NRXN3: variants seen among roughly 807,000 people sequenced by gnomAD.
NRXN3 encodes the protein neurexin 3.
Under a neutral mutation model 137.6 loss-of-function variants are expected in NRXN3, and 32 were observed. The ratio of observed to expected loss-of-function variants is 0.23; its 90% confidence interval spans 0.18 to 0.31. The LOEUF is 0.31. Among genes scored for constraint, NRXN3 ranks in the 10% least tolerant of loss-of-function variants. NRXN3 has a pLI of 1.00. For missense variants in NRXN3, 1,574 were observed against 2,062.5 expected (o/e 0.76, Z 4.59); for synonymous variants, 798 against 784.5 (o/e 1.02, Z -0.29).
intron 1 of NRXN3, among the ~76,000 whole-genome samples, chr14:78,198,355 T>G (rs1360977136): frequency 6.6e-6 from 1 of 152,216 alleles, no homozygotes; most frequent in Non-Finnish European, 1.5e-5. Context: ...CCCAGCCACA[T>G]CCTGGCTTGC....
chr14:79,572,990 C>T (rs1378650592), intron 16 of NRXN3: 2 of 152,128 alleles, frequency 1.3e-5, no homozygotes, highest in African/African-American at 4.8e-5. Context: ...CAAGTTTTGT[C>T]AGCATATTAT....
chr14:78,229,603 C>T (rs916112118), intron 1 of NRXN3, among the ~76,000 whole-genome samples: 1 of 152,124 alleles, frequency 6.6e-6, no homozygotes, highest in Non-Finnish European at 1.5e-5. Context: ...GAATCCCTCC[C>T]TTGAATCCTT....
chr14:79,301,467 C>T (rs1367051970), intron 15 of NRXN3, among the ~76,000 whole-genome samples: 1 of 151,810 alleles, frequency 6.6e-6, no homozygotes, highest in African/African-American at 2.4e-5. Context: ...CTGCGCTGCT[C>T]GTATTATTGC....
At position 79,867,649 on chromosome 14, in the gene NRXN3, G is replaced by A. The variant is rs141256640; in HGVS notation, c.*5685G>A. ...ACATATGAATGTTGGAGGGGATATGGTTCTGTTTCTAGCAAATGTATAGTA... is the reference window on the plus strand; with the variant it reads ...ACATATGAATGTTGGAGGGGATATGATTCTGTTTCTAGCAAATGTATAGTA... On this transcript the variant is annotated 3_prime_UTR_variant, in exon 21 of 21. Coordinates refer to ENST00000335750, the MANE Select transcript of NRXN3 (RefSeq NM_001330195.2). 4.4e-4 allele frequency: 67 copies of A among 152,240 alleles called. No homozygotes were observed. Among genetic ancestry groups the A allele is most frequent in the African/African-American group, 1.5e-3 (64 of 41,522 alleles). 9.4% of individuals were successfully genotyped at this position (152,240 alleles called of 1,614,324 possible).
intron 20 of NRXN3, among the ~76,000 whole-genome samples, chr14:79,860,545 G>A (rs1349412600): frequency 6.6e-6 from 1 of 152,214 alleles, no homozygotes; most frequent in Non-Finnish European, 1.5e-5. Flanking sequence ...AATCTTTTAT[G>A]TTTCTTGATC....
At chr14:79,182,504 G>T (rs529849270) in intron 15 of NRXN3, among the ~76,000 whole-genome samples, 1 of 152,098 alleles carries the variant, frequency 6.6e-6, no homozygotes, top group South Asian at 2.1e-4. Context: ...TCACAATAGG[G>T]TTCACGCTTC....
intron 20 of NRXN3, among the ~76,000 whole-genome samples, chr14:79,859,729 C>T (rs185204144): frequency 2.7e-4 from 41 of 152,264 alleles, no homozygotes; most frequent in Non-Finnish European, 4.3e-4. Flanking sequence ...AAGAGACACA[C>T]GTACGTGGTA....
intron 4 of NRXN3, among the ~76,000 whole-genome samples, chr14:78,398,051 C>T (rs2153650839): frequency 6.6e-6 from 1 of 151,204 alleles, no homozygotes; most frequent in African/African-American, 2.4e-5. Flanking sequence ...CCTGTCTCTA[C>T]TAAAAATACA....
At position 79,230,015 on chromosome 14, in the gene NRXN3, G is replaced by A. The variant is rs368363722; in HGVS notation, c.3263-237206G>A. 2.4e-4 allele frequency among the ~76,000 whole-genome samples: 36 copies of A among 152,182 alleles called. No individual in the cohort carries two copies. The South Asian group carries it at 6.8e-3, about 29-fold the overall frequency. Reference sequence around the variant, plus strand: ...AATGATCCTGTTAGGTGAATAAAAGGCTGATTACATACCCAGAGGTGAGCC... The same window carrying A: ...AATGATCCTGTTAGGTGAATAAAAGACTGATTACATACCCAGAGGTGAGCC... On this transcript the variant is annotated intron_variant, in intron 15 of 20. Coordinates refer to ENST00000335750, the MANE Select transcript of NRXN3 (RefSeq NM_001330195.2).
At chr14:79,348,692 G>C (rs1313616653) in intron 15 of NRXN3, among the ~76,000 whole-genome samples, 1 of 152,066 alleles carries the variant, frequency 6.6e-6, no homozygotes, top group Non-Finnish European at 1.5e-5. Context: ...TTCTTAATTT[G>C]TCACTTAGAG....
intron 15 of NRXN3, among the ~76,000 whole-genome samples, chr14:79,289,510 C>T (rs929898034): frequency 6.6e-6 from 1 of 152,110 alleles, no homozygotes; most frequent in Non-Finnish European, 1.5e-5. Context: ...ATCTCAGCTA[C>T]TCAGGAGGCT....
chr14:79,216,779 G>A (rs1317739065), intron 15 of NRXN3, among the ~76,000 whole-genome samples: 2 of 152,042 alleles, frequency 1.3e-5, no homozygotes, highest in African/African-American at 2.4e-5. Flanking sequence ...ATATTATAGG[G>A]ACATTGTGTT....
At chr14:79,075,977 C>A (rs946065171) in intron 15 of NRXN3, among the ~76,000 whole-genome samples, 1 of 152,124 alleles carries the variant, frequency 6.6e-6, no homozygotes, top group Admixed American at 6.6e-5. Flanking sequence ...TCTGCAGAGC[C>A]TTTTTTAGCT....
intron 2 of NRXN3, among the ~76,000 whole-genome samples, chr14:78,261,657 A>C (rs2070743167): frequency 6.6e-6 from 1 of 152,288 alleles, no homozygotes; most frequent in East Asian, 1.9e-4. Flanking sequence ...CAACTCATGC[A>C]TTTTATTGCT....
chr14:79,740,600 C>T (rs1391022116), intron 19 of NRXN3, among the ~76,000 whole-genome samples: 1 of 150,386 alleles, frequency 6.6e-6, no homozygotes, highest in Non-Finnish European at 1.5e-5. Flanking sequence ...ACAATAGATA[C>T]ATCTATTGTC....
intron 15 of NRXN3, among the ~76,000 whole-genome samples, chr14:79,049,917 GCAGT>G (rs1235373955): frequency 6.6e-6 from 1 of 151,906 alleles, no homozygotes; most frequent in Non-Finnish European, 1.5e-5. Context: ...TTGATTCTAG[GCAGT>G]CTCTCTGCAG....
chr14:78,686,999 G>A (rs144278971), intron 6 of NRXN3, among the ~76,000 whole-genome samples: 257 of 152,234 alleles, frequency 1.7e-3, no homozygotes, highest in African/African-American at 6.0e-3. Flanking sequence ...AATGCTATGA[G>A]GAGAGGAAAT....
chr14:79,423,904 A>G (rs1242701611), intron 15 of NRXN3, among the ~76,000 whole-genome samples: 3 of 152,172 alleles, frequency 2.0e-5, no homozygotes, highest in African/African-American at 7.2e-5. Flanking sequence ...GATGCTAACT[A>G]CACCTTGATC....
intron 4 of NRXN3, among the ~76,000 whole-genome samples, chr14:78,329,578 T>C (rs901127339): frequency 6.6e-6 from 1 of 152,194 alleles, no homozygotes; most frequent in Non-Finnish European, 1.5e-5. Context: ...TTTGCGCTAA[T>C]GGACTGTTAT....
Sources: gnomAD v4.1 joint callset for allele counts (sites outside exome capture counted in the v4.1 genomes callset) on GRCh38, gnomAD v4.1.1 for gene constraint, MANE v1.5 for transcripts, NCBI Gene and HGNC (gene_info 2026-07-23, HGNC 2026-07-21) for gene names.